The following RARB variants were observed in gnomAD, a reference collection of about 807,000 sequenced individuals.
The protein encoded by RARB is retinoic acid receptor beta, also known as HBV-activated protein.
Under a neutral mutation model 51.9 loss-of-function variants are expected in RARB, and 17 were observed. That is an observed-to-expected ratio of 0.33 (90% CI 0.22 to 0.49). RARB has a LOEUF of 0.49. RARB is among the 20% of genes least tolerant of loss of function. RARB has a pLI of 0.99. For synonymous variants in RARB, 215 were observed against 195.4 expected (o/e 1.10, Z -0.84); for missense variants, 369 against 550.8 (o/e 0.67, Z 3.30).
chr3:25,236,272 G>T (rs1163591198), intron 5 of RARB, among the ~76,000 whole-genome samples: 1 of 152,140 alleles, frequency 6.6e-6, no homozygotes, highest in Non-Finnish European at 1.5e-5. Flanking sequence ...GCATGTAGTG[G>T]ATAATTGGGC....
At chr3:25,183,964 C>T (rs79815818) in intron 5 of RARB, among the ~76,000 whole-genome samples, 5,962 of 152,186 alleles carry the variant, frequency 0.039, 143 homozygotes, top group Middle Eastern at 0.061. Context: ...GGCCAAAAGC[C>T]TATGTAAGCT....
At chr3:25,134,742 A>G (rs1700006799) in intron 4 of RARB, among the ~76,000 whole-genome samples, 1 of 152,056 alleles carries the variant, frequency 6.6e-6, no homozygotes, top group Non-Finnish European at 1.5e-5. Context: ...ATTTTTTCAA[A>G]CAGGGTTTAT....
intron 3 of RARB, among the ~76,000 whole-genome samples, chr3:25,103,905 T>C (rs1166352483): frequency 6.6e-6 from 1 of 152,182 alleles, no homozygotes; most frequent in African/African-American, 2.4e-5. Context: ...TTCTGATTGC[T>C]TGGAAGAGAT....
At chr3:25,427,472 G>A (rs1708026671), upstream of RARB, among the ~76,000 whole-genome samples, 1 of 152,178 alleles carries the variant, frequency 6.6e-6, no homozygotes, top group Admixed American at 6.5e-5. Flanking sequence ...AGTTCAGTTT[G>A]ATTCCCCAAC....
intron 5 of RARB, among the ~76,000 whole-genome samples, chr3:25,209,809 G>T (rs1428397492): frequency 3.3e-5 from 5 of 152,160 alleles, no homozygotes; most frequent in Non-Finnish European, 7.4e-5. Flanking sequence ...AGGTTGGAAG[G>T]TTAGTTGGCC....
intron 5 of RARB, among the ~76,000 whole-genome samples, chr3:25,327,304 G>T (rs745929758): frequency 1.8e-4 from 27 of 152,116 alleles, no homozygotes; most frequent in Non-Finnish European, 2.9e-4. Flanking sequence ...TCTGGGTACA[G>T]TTATTGAAAA....
chr3:25,240,482 A>G lies in RARB; in HGVS notation c.178+65907A>G, dbSNP rs59767233. 4.5e-3 allele frequency among the ~76,000 whole-genome samples: 679 copies of G among 152,072 alleles called. 8 individuals are homozygous for G. The highest frequency in any genetic ancestry group is 0.015 in the African/African-American group (629 of 41,494). ...TATGTGTTTGTTATATATGGCCTTT[A>G]TTATATTTTGTGGTATGTTTCCTTC... On this transcript the variant is annotated intron_variant, in intron 5 of 11. Transcript: ENST00000383772.
chr3:25,136,613 C>A (rs573280006), intron 4 of RARB, among the ~76,000 whole-genome samples: 33 of 152,082 alleles, frequency 2.2e-4, no homozygotes, highest in Non-Finnish European at 4.1e-4. Context: ...TAGAAAATCA[C>A]AATAAAAGAA....
intron 1 of RARB, among the ~76,000 whole-genome samples, chr3:25,437,839 T>G (rs979581957): frequency 6.6e-6 from 1 of 152,228 alleles, no homozygotes; most frequent in African/African-American, 2.4e-5. Flanking sequence ...CATGTGGATG[T>G]TTCTGGAGCG....
At chr3:25,163,537 A>G (rs1209034654) in intron 4 of RARB, among the ~76,000 whole-genome samples, 3 of 129,900 alleles carry the variant, frequency 2.3e-5, no homozygotes, top group South Asian at 2.5e-4. Context: ...ATATATATAT[A>G]TTTGTTTATT....
intron 5 of RARB, among the ~76,000 whole-genome samples, chr3:25,394,623 A>G (rs748555760): frequency 1.6e-4 from 25 of 152,182 alleles, no homozygotes; most frequent in Non-Finnish European, 3.5e-4. Context: ...ATATTTTCCT[A>G]TGGAAGTAAT....
At chr3:24,938,403 G>A (rs140327725) in intron 2 of RARB, among the ~76,000 whole-genome samples, 2 of 152,108 alleles carry the variant, frequency 1.3e-5, no homozygotes, top group East Asian at 1.9e-4. Flanking sequence ...GGGAGTGTCT[G>A]TCCCCTTCAT....
At chr3:24,922,311 T>C (rs951946200) in intron 2 of RARB, among the ~76,000 whole-genome samples, 9 of 152,184 alleles carry the variant, frequency 5.9e-5, no homozygotes, top group African/African-American at 2.2e-4. Context: ...GAGAAAAAGA[T>C]GTTAATGATG....
chr3:25,332,580 A>G (rs941281541), intron 5 of RARB, among the ~76,000 whole-genome samples: 2 of 152,156 alleles, frequency 1.3e-5, no homozygotes, highest in African/African-American at 4.8e-5. Flanking sequence ...TACTGAATGG[A>G]CAAAAACTGG....
rs117031001 is a variant in RARB at position 25,180,416 on chromosome 3, T to G, written c.178+5841T>G. Among the ~76,000 whole-genome samples the G allele has an allele frequency of 2.3e-3, 356 of 152,326 alleles. 2 individuals are homozygous for G. The highest frequency in any genetic ancestry group is 0.02 in the East Asian group (106 of 5,180). The stretch of plus-strand genomic sequence containing the variant: ...GACAATGGCTTTGAGTTGGCTGAGT[T>G]CATTATAGAAAATGAGACTTTCCAT... On this transcript the variant is annotated intron_variant, in intron 5 of 11. Coordinates refer to the RARB transcript ENST00000383772.
chr3:25,260,986 T>C lies in RARB; in HGVS notation c.178+86411T>C, dbSNP rs764349575. On this transcript the variant is annotated intron_variant, in intron 5 of 11. Transcript: ENST00000383772. The stretch of plus-strand genomic sequence containing the variant: ...TACTCACTGAGTAATTTTGGACAAG[T>C]CACTTAACCTATGTTTCTATTTCTT... 1.8e-3 allele frequency among the ~76,000 whole-genome samples: 272 copies of C among 152,272 alleles called. 3 individuals are homozygous for C. The highest frequency in any genetic ancestry group is 2.1e-3 in the Non-Finnish European group (145 of 68,004).
intron 2 of RARB, among the ~76,000 whole-genome samples, chr3:24,884,710 G>A (rs1457642005): frequency 1.3e-5 from 2 of 152,110 alleles, no homozygotes; most frequent in East Asian, 1.9e-4. Flanking sequence ...TTATCAAATG[G>A]TTAAATACCA....
chr3:25,493,862 T>A (rs1696871642), intron 2 of RARB, among the ~76,000 whole-genome samples: 1 of 152,196 alleles, frequency 6.6e-6, no homozygotes, highest in African/African-American at 2.4e-5. Flanking sequence ...ATGTTAAACC[T>A]GATATCAATG....
intron 2 of RARB, among the ~76,000 whole-genome samples, chr3:25,036,322 G>C (rs568526515): frequency 1.3e-5 from 2 of 152,204 alleles, no homozygotes; most frequent in East Asian, 3.9e-4. Context: ...CCACTAATCA[G>C]TACCTGAGGT....
Sources: allele counts gnomAD v4.1 joint callset (sites outside exome capture counted in the v4.1 genomes callset), GRCh38; gene constraint gnomAD v4.1.1; transcripts MANE v1.5; gene names NCBI Gene and HGNC (gene_info 2026-07-23, HGNC 2026-07-21).